KCNMA1: variants seen among roughly 807,000 people sequenced by gnomAD.
KCNMA1 encodes potassium calcium-activated channel subfamily M alpha 1.
In KCNMA1, 29 loss-of-function variants were observed where a neutral mutation model predicts 140.0. The ratio of observed to expected loss-of-function variants is 0.21; its 90% CI spans 0.15 to 0.28. The LOEUF (loss-of-function observed/expected upper bound fraction) is 0.28, where lower values mean the gene tolerates loss of function less well. Among genes scored for constraint, KCNMA1 ranks in the 10% least tolerant of loss-of-function variants. The probability of loss-of-function intolerance (pLI) is 1.00; values close to 1 mark genes in which losing one functional copy is unlikely to be tolerated. For missense variants in KCNMA1, 880 were observed against 1,602.2 expected (o/e 0.55, Z 7.70); for synonymous variants, 612 against 611.9 (o/e 1.00, Z 0.00).
intron 3 of KCNMA1, among the ~76,000 whole-genome samples, chr10:77,201,397 C>A (rs2042404635): frequency 2.0e-5 from 3 of 152,100 alleles, no homozygotes; most frequent in Admixed American, 1.3e-4. Flanking sequence ...GAAAAAGAAC[C>A]CTCTATACAT....
intron 2 of KCNMA1, among the ~76,000 whole-genome samples, chr10:77,262,090 T>C (rs2062168342): frequency 6.6e-6 from 1 of 152,192 alleles, no homozygotes. Context: ...AAACTGGAAT[T>C]TAAAGCTGGG....
At chr10:77,058,605 G>A (rs1331838051) in intron 14 of KCNMA1, among the ~76,000 whole-genome samples, 1 of 151,994 alleles carries the variant, frequency 6.6e-6, no homozygotes, top group Non-Finnish European at 1.5e-5. Flanking sequence ...ATAATAGAAA[G>A]ATAAGAGGAA....
chr10:77,255,929 A>T (rs2060637573), intron 2 of KCNMA1, among the ~76,000 whole-genome samples: 2 of 151,828 alleles, frequency 1.3e-5, no homozygotes, highest in Non-Finnish European at 2.9e-5. Flanking sequence ...AAAAAAAAAA[A>T]AATCTGTCCC....
chr10:77,325,327 T>A (rs1010427494), intron 2 of KCNMA1, among the ~76,000 whole-genome samples: 1 of 152,112 alleles, frequency 6.6e-6, no homozygotes, highest in Non-Finnish European at 1.5e-5. Flanking sequence ...GCACTGGGCG[T>A]CGAGGAGAGC....
chr10:77,572,569 C>CT (rs2071879711), intron 1 of KCNMA1, among the ~76,000 whole-genome samples: 3 of 37,568 alleles, frequency 8.0e-5, no homozygotes, highest in African/African-American at 3.2e-4. Flanking sequence ...AAAAAAAATC[C>CT]ATATATATAT....
At chr10:77,576,142 T>C (rs1317745912) in intron 1 of KCNMA1, among the ~76,000 whole-genome samples, 7 of 152,116 alleles carry the variant, frequency 4.6e-5, no homozygotes, top group African/African-American at 1.7e-4. Context: ...GTGGAACCTG[T>C]GCTGCTGATC....
At position 76,992,966 on chromosome 10, in the gene KCNMA1, G is replaced by C. The variant is rs571414826; in HGVS notation, c.2266+8441C>G. 2.1e-4 allele frequency among the ~76,000 whole-genome samples: 32 copies of C among 152,316 alleles called. 1 individual carries two copies. In the South Asian group the frequency reaches 6.6e-3, roughly 32 times the overall value. On this transcript the variant is annotated intron_variant, in intron 19 of 27. Coordinates refer to ENST00000286628, the MANE Select transcript of KCNMA1 (RefSeq NM_001161352.2). Reference sequence around the variant, plus strand: ...ATTATTTTCCCCCCATCGATGTAAGGAGACATGCTGACTTCCTGAGAAAGG... The same window carrying C: ...ATTATTTTCCCCCCATCGATGTAAGCAGACATGCTGACTTCCTGAGAAAGG...
At chr10:77,431,922 G>C (rs1443047746) in intron 1 of KCNMA1, among the ~76,000 whole-genome samples, 1 of 152,078 alleles carries the variant, frequency 6.6e-6, no homozygotes, top group East Asian at 1.9e-4. Context: ...GGACCCGGGA[G>C]GCAGAGGTTG....
chr10:77,085,882 A>G (rs1403907961), intron 11 of KCNMA1, among the ~76,000 whole-genome samples: 2 of 152,154 alleles, frequency 1.3e-5, no homozygotes, highest in Non-Finnish European at 2.9e-5. Context: ...TTTGCCTTGT[A>G]CCTTTCCCTT....
chr10:77,018,354 A>G (rs368739120), intron 17 of KCNMA1, among the ~76,000 whole-genome samples: 6 of 152,342 alleles, frequency 3.9e-5, no homozygotes, highest in Admixed American at 3.3e-4. Context: ...CTCCAAGTTC[A>G]TAAGATAGAA....
intron 1 of KCNMA1, among the ~76,000 whole-genome samples, chr10:77,422,672 T>C (rs2096892534): frequency 6.6e-6 from 1 of 152,236 alleles, no homozygotes; most frequent in Non-Finnish European, 1.5e-5. Context: ...AATGAGGTCA[T>C]ACTGGAGTAG....
At chr10:77,245,535 C>T (rs1050133542) in intron 3 of KCNMA1, among the ~76,000 whole-genome samples, 1 of 152,180 alleles carries the variant, frequency 6.6e-6, no homozygotes, top group Admixed American at 6.5e-5. Context: ...AGACCTCCAT[C>T]CTATGTGGCT....
intron 14 of KCNMA1, among the ~76,000 whole-genome samples, chr10:77,050,078 T>A (rs1044140973): frequency 3.3e-5 from 5 of 152,052 alleles, no homozygotes; most frequent in Non-Finnish European, 5.9e-5. Flanking sequence ...GCCCCGTCCC[T>A]CCCCATCTCA....
chr10:77,591,107 C>T (rs2079011835), intron 1 of KCNMA1, among the ~76,000 whole-genome samples: 1 of 152,168 alleles, frequency 6.6e-6, no homozygotes, highest in African/African-American at 2.4e-5. Flanking sequence ...ACGTCCAGGC[C>T]TCAGAGGGAC....
At position 77,576,657 on chromosome 10, in the gene KCNMA1, T is replaced by A. The variant is rs547073477; in HGVS notation, c.378+60608A>T. ...CACAGCCGTGCAAGAAAGCTCACCA[T>A]GGGATTCTAAAAGGAGTGACGCTAA... On this transcript the variant is annotated intron_variant, in intron 1 of 27. Transcript: ENST00000286628. Among the ~76,000 whole-genome samples the A allele has an allele frequency of 5.3e-5, 8 of 152,222 alleles. No homozygotes were observed. The South Asian group carries it at 1.7e-3, about 32-fold the overall frequency.
chr10:76,969,551 A>G (rs576809574), intron 20 of KCNMA1, among the ~76,000 whole-genome samples: 2 of 152,282 alleles, frequency 1.3e-5, no homozygotes, highest in African/African-American at 4.8e-5. Flanking sequence ...GATACATCTC[A>G]CATATGGCCT....
At chr10:76,972,401 G>C (rs1056467721) in intron 19 of KCNMA1, among the ~76,000 whole-genome samples, 5 of 152,134 alleles carry the variant, frequency 3.3e-5, no homozygotes, top group African/African-American at 4.8e-5. Context: ...ATCCTCCCTA[G>C]CATGCCTGTG....
intron 23 of KCNMA1, among the ~76,000 whole-genome samples, chr10:76,942,104 TG>T (rs1303905155): frequency 6.6e-6 from 1 of 152,162 alleles, no homozygotes; most frequent in Non-Finnish European, 1.5e-5. Flanking sequence ...CCCGAGTAGC[TG>T]GGATTATAGG....
At chr10:77,611,477 C>G (rs758089806) in intron 1 of KCNMA1, among the ~76,000 whole-genome samples, 3 of 152,182 alleles carry the variant, frequency 2.0e-5, no homozygotes, top group Non-Finnish European at 4.4e-5. Flanking sequence ...ATCCACCTTT[C>G]CAACTATATG....
Sources: allele counts gnomAD v4.1 joint callset (sites outside exome capture counted in the v4.1 genomes callset), GRCh38; gene constraint gnomAD v4.1.1; transcripts MANE v1.5; gene names NCBI Gene and HGNC (gene_info 2026-07-23, HGNC 2026-07-21).